Variants in A1CF observed in about 807,000 individuals in gnomAD.
A1CF encodes the protein APOBEC-1 stimulating protein.
Under a neutral mutation model 68.9 loss-of-function variants are expected in A1CF, and 48 were observed. The ratio of observed to expected loss-of-function variants is 0.70; its 90% CI spans 0.55 to 0.89. The LOEUF is 0.89. Among genes scored for constraint, A1CF ranks in the 40% least tolerant of loss-of-function variants. The pLI, the probability that A1CF is intolerant of heterozygous loss-of-function variation, is 0.00. For missense variants in A1CF, 653 were observed against 718.9 expected, an observed-to-expected ratio of 0.91 and a Z score of 1.05; for synonymous variants, 272 against 260.4, an observed-to-expected ratio of 1.04 and a Z score of -0.43.
rs1838090789 is a variant in A1CF at position 50,811,105 on chromosome 10, T to C, written c.1395A>G (p.Gln465=). Residue 465 remains glutamine (Q), a synonymous_variant, in exon 11 of 13, where the codon CAA becomes CAG. Transcript: ENST00000373997. ...PVYQLHSAIG[Q]DQRQLFLYKI... ...TGTACAAGAATAGCTGTCTTTGGTC[T>C]TGTCCAATAGCAGAGTGCAGCTGGT... 2 of 1,613,574 alleles carry C rather than the reference T, an allele frequency of 1.2e-6. No homozygotes were observed. The highest frequency in any genetic ancestry group is 2.2e-5 in the East Asian group (1 of 44,806).
intron 8 of A1CF, among the ~76,000 whole-genome samples, chr10:50,820,314 G>A (rs1051612691): frequency 1.3e-5 from 2 of 152,072 alleles, no homozygotes; most frequent in African/African-American, 4.8e-5. Flanking sequence ...TGGAAATTGA[G>A]GGCCAGTGAC....
chr10:50,804,444 G>T lies in A1CF; in HGVS notation c.*2285C>A, dbSNP rs1278535490. On this transcript the variant is annotated 3_prime_UTR_variant, in exon 13 of 13. Coordinates refer to ENST00000373997, the MANE Select transcript of A1CF (RefSeq NM_014576.4). ...ATACCCTTTGCTGTTTATTTGCAAAGATTTTAAGGAAAATCAGAACTTTTG... is the reference window on the plus strand; with the variant it reads ...ATACCCTTTGCTGTTTATTTGCAAATATTTTAAGGAAAATCAGAACTTTTG... 6.6e-6 allele frequency: 1 copy of T among 152,086 alleles called. No homozygotes were observed. Among genetic ancestry groups the T allele is most frequent in the African/African-American group, 2.4e-5 (1 of 41,430 alleles). 9.4% of individuals were successfully genotyped at this position (152,086 alleles called of 1,614,324 possible). A position where few individuals can be genotyped will look rare whatever the true frequency, so the allele number is the denominator to read the frequency against.
Position 50,806,353 on chromosome 10 carries a change from G to A in A1CF, c.*376C>T, listed in dbSNP as rs1837816862. On this transcript the variant is annotated 3_prime_UTR_variant, in exon 13 of 13. Coordinates refer to ENST00000373997, the MANE Select transcript of A1CF (RefSeq NM_014576.4). The stretch of plus-strand genomic sequence containing the variant: ...AGAGGTAAGACTCTGGAGTTTACTT[G>A]GCTTCCCTTGATTATTACTGACTGC... The A allele has an allele frequency of 6.5e-6, 1 of 153,914 alleles. No individual in the cohort carries two copies. Among genetic ancestry groups the A allele is most frequent in the Non-Finnish European group, 1.4e-5 (1 of 69,366 alleles). The allele number at this position is 153,914 out of a possible 1,614,324, so 9.5% of individuals were successfully genotyped here. A position where few individuals can be genotyped will look rare whatever the true frequency, so the allele number is the denominator to read the frequency against.
chr10:50,878,957 G>C (rs1841648726), intron 1 of A1CF, among the ~76,000 whole-genome samples: 1 of 152,156 alleles, frequency 6.6e-6, no homozygotes, highest in East Asian at 1.9e-4. Context: ...CAAGTTACTT[G>C]TGACACTTCC....
chr10:50,863,475 A>C (rs1170342165), intron 2 of A1CF, among the ~76,000 whole-genome samples: 1 of 152,226 alleles, frequency 6.6e-6, no homozygotes, highest in African/African-American at 2.4e-5. Context: ...CTTTGGAAAG[A>C]TAGAGAAAAG....
At chr10:50,814,165 T>C (rs1838258650) in intron 9 of A1CF, 127 bp from the exon 10 acceptor site, 1 of 947,808 alleles carries the variant, frequency 1.1e-6, no homozygotes, top group Non-Finnish European at 1.6e-6. Context: ...ATTATTGCCC[T>C]GAAGATGGGT....
At chr10:50,864,355 A>G (rs1402967548) in intron 1 of A1CF, among the ~76,000 whole-genome samples, 1 of 152,176 alleles carries the variant, frequency 6.6e-6, no homozygotes, top group Admixed American at 6.5e-5. Flanking sequence ...AGGACTCCAG[A>G]AAGGGCCTGA....
intron 5 of A1CF, 79 bp from the exon 6 acceptor site, chr10:50,836,391 G>T: frequency 6.8e-7 from 1 of 1,461,008 alleles, no homozygotes; most frequent in Non-Finnish European, 9.3e-7. Flanking sequence ...TGGGCCAAAT[G>T]TTGCCTGAAG....
At chr10:50,885,157 A>T (rs1292421303) in intron 1 of A1CF, among the ~76,000 whole-genome samples, 2 of 152,212 alleles carry the variant, frequency 1.3e-5, no homozygotes, top group African/African-American at 2.4e-5. Context: ...TATGATAGGA[A>T]TTATGACCCA....
At chr10:50,846,519 G>A (rs1840008730) in intron 3 of A1CF, among the ~76,000 whole-genome samples, 1 of 152,080 alleles carries the variant, frequency 6.6e-6, no homozygotes, top group East Asian at 1.9e-4. Flanking sequence ...ACTATACATT[G>A]GGTGGTATTT....
chr10:50,831,430 AT>A (rs1839233527), intron 6 of A1CF, among the ~76,000 whole-genome samples: 1 of 152,188 alleles, frequency 6.6e-6, no homozygotes, highest in Non-Finnish European at 1.5e-5. Context: ...AGATAACCCA[AT>A]TAAAAATGGG....
rs567817514 is a variant in A1CF at position 50,881,611 on chromosome 10, A to G, written c.-94+3970T>C. 3.3e-5 allele frequency among the ~76,000 whole-genome samples: 5 copies of G among 152,350 alleles called. No individual in the cohort carries two copies. The South Asian group carries it at 6.2e-4, about 19-fold the overall frequency. On this transcript the variant is annotated intron_variant, in intron 1 of 12. Coordinates refer to ENST00000373997, the MANE Select transcript of A1CF (RefSeq NM_014576.4). ...CTTAAACCTAGTGATTTTTAAATCA[A>G]TTGGGCATCCTAAAACAATGAATAG...
chr10:50,812,868 A>G (rs1838183433), intron 10 of A1CF, among the ~76,000 whole-genome samples: 1 of 152,214 alleles, frequency 6.6e-6, no homozygotes, highest in Non-Finnish European at 1.5e-5. Flanking sequence ...GCAGTCTGAT[A>G]GGCATTTTTT....
intron 3 of A1CF, among the ~76,000 whole-genome samples, chr10:50,855,003 G>T (rs911847434): frequency 1.3e-5 from 2 of 151,576 alleles, no homozygotes; most frequent in Admixed American, 6.6e-5. Flanking sequence ...ACTACCTGAG[G>T]GTGATTTTTA....
chr10:50,866,613 T>C (rs532431851), intron 1 of A1CF, among the ~76,000 whole-genome samples: 1 of 152,332 alleles, frequency 6.6e-6, no homozygotes, highest in South Asian at 2.1e-4. Context: ...CTTTTCTAAA[T>C]CTAGACCTGT....
intron 1 of A1CF, 104 bp downstream of exon 1, chr10:50,885,477 A>G (rs537529765): frequency 1.1e-4 from 17 of 152,352 alleles, no homozygotes; most frequent in Middle Eastern, 6.8e-3. Flanking sequence ...ATTAGGCTCG[A>G]TAACAGAAGA....
chr10:50,845,405 A>T (rs185047764), intron 3 of A1CF, among the ~76,000 whole-genome samples: 2 of 152,342 alleles, frequency 1.3e-5, no homozygotes, highest in African/African-American at 4.8e-5. Context: ...TTTTCAAACA[A>T]ATACCTATAT....
chr10:50,845,636 C>T (rs901363839), intron 3 of A1CF, among the ~76,000 whole-genome samples: 2 of 152,148 alleles, frequency 1.3e-5, no homozygotes, highest in East Asian at 3.8e-4. Flanking sequence ...GTGGAAGCCA[C>T]TTATAACAGA....
At chr10:50,883,278 T>G (rs17592117) in intron 1 of A1CF, among the ~76,000 whole-genome samples, 1 of 152,136 alleles carries the variant, frequency 6.6e-6, no homozygotes, top group Non-Finnish European at 1.5e-5. Flanking sequence ...CACATTTCTC[T>G]CCTTTGCTTT....
Sources: allele counts gnomAD v4.1 joint callset (sites outside exome capture counted in the v4.1 genomes callset), GRCh38; gene constraint gnomAD v4.1.1; transcripts MANE v1.5; gene names NCBI Gene and HGNC (gene_info 2026-07-23, HGNC 2026-07-21).